Variants in C14orf132 observed in about 807,000 individuals in gnomAD.
C14orf132 encodes uncharacterized protein C14orf132.
Under a neutral mutation model 5.8 loss-of-function variants are expected in C14orf132, and 6 were observed. That is an observed-to-expected ratio of 1.03 (90% CI 0.57 to 2.04). The LOEUF (loss-of-function observed/expected upper bound fraction) is 2.04, where lower values mean the gene tolerates loss of function less well. Ranked by LOEUF, C14orf132 falls within the 30% of genes most tolerant of loss-of-function variation. The pLI is 0.00. For synonymous variants in C14orf132, 51 were observed against 49.8 expected (o/e 1.02, Z -0.10); for missense variants, 125 against 115.8 (o/e 1.08, Z -0.37).
At chr14:96,082,389 A>G (rs1290444837) in intron 1 of C14orf132, among the ~76,000 whole-genome samples, 2 of 152,208 alleles carry the variant, frequency 1.3e-5, no homozygotes, top group African/African-American at 2.4e-5. Flanking sequence ...AAATTTTTGT[A>G]ACTTCCAAAT....
intron 1 of C14orf132, among the ~76,000 whole-genome samples, chr14:96,070,736 C>T (rs1056906460): frequency 1.2e-4 from 19 of 152,082 alleles, no homozygotes; most frequent in African/African-American, 1.7e-4. Context: ...GTTAAAGGCA[C>T]GGATAGAAAT....
intron 1 of C14orf132, among the ~76,000 whole-genome samples, chr14:96,078,970 C>T (rs543927868): frequency 7.2e-5 from 11 of 152,360 alleles, no homozygotes; most frequent in Admixed American, 3.3e-4. Flanking sequence ...AGGGGATCAG[C>T]GTGTACCTAG....
At position 96,091,311 on chromosome 14, in the gene C14orf132, G is replaced by A; in HGVS notation, c.*4576G>A. 3.0e-6 allele frequency: 1 copy of A among 336,450 alleles called. No individual in the cohort carries two copies. The highest frequency in any genetic ancestry group is 5.8e-6 in the Non-Finnish European group (1 of 173,034). 20.8% of individuals were successfully genotyped at this position (336,450 alleles called of 1,614,324 possible). On this transcript the variant is annotated 3_prime_UTR_variant, in exon 2 of 2. Transcript: ENST00000555004. ...TGTAAGTCCAGGAAAGGGGCAGGCG[G>A]CAGTGCACAGGGATTTATCAGTTCC...
At chr14:96,083,829 G>A (rs1856593701) in intron 1 of C14orf132, among the ~76,000 whole-genome samples, 1 of 152,210 alleles carries the variant, frequency 6.6e-6, no homozygotes, top group Non-Finnish European at 1.5e-5. Context: ...GACCTGCAAA[G>A]CTATTAAATA....
In C14orf132 at chr14:96,065,009, C is replaced by T. The variant is rs114799350; in HGVS notation, c.28-21502C>T. Reference sequence around the variant, plus strand: ...TAGCTTCTCTGGCCCTGTTTTCTTCCTAACCCAGTGTGCTGTCTTCCTCCC... The same window carrying T: ...TAGCTTCTCTGGCCCTGTTTTCTTCTTAACCCAGTGTGCTGTCTTCCTCCC... On this transcript the variant is annotated intron_variant, in intron 1 of 1. Coordinates refer to ENST00000555004, the MANE Select transcript of C14orf132 (RefSeq NM_001252507.3). Among the ~76,000 whole-genome samples the T allele has an allele frequency of 7.3e-3, 1,114 of 152,238 alleles. 18 individuals are homozygous for T. Among genetic ancestry groups the T allele is most frequent in the African/African-American group, 0.026 (1,073 of 41,510 alleles).
chr14:96,068,540 C>T (rs1887603442), intron 1 of C14orf132, among the ~76,000 whole-genome samples: 1 of 152,146 alleles, frequency 6.6e-6, no homozygotes, highest in Non-Finnish European at 1.5e-5. Context: ...TTTCTCACTT[C>T]CAGATGAGAC....
intron 1 of C14orf132, among the ~76,000 whole-genome samples, chr14:96,056,660 G>T (rs549348823): frequency 4.6e-5 from 7 of 152,250 alleles, no homozygotes; most frequent in African/African-American, 1.4e-4. Context: ...CCAGGAAATG[G>T]TGCCTATGAT....
intron 1 of C14orf132, among the ~76,000 whole-genome samples, chr14:96,083,733 G>A (rs938139454): frequency 2.6e-5 from 4 of 152,236 alleles, no homozygotes; most frequent in Non-Finnish European, 4.4e-5. Context: ...TTTTAGTCTA[G>A]TGAGACCTCT....
intron 1 of C14orf132, among the ~76,000 whole-genome samples, chr14:96,053,609 C>T (rs1038670177): frequency 1.3e-5 from 2 of 152,216 alleles, no homozygotes; most frequent in Non-Finnish European, 2.9e-5. Context: ...CTAGAAATCC[C>T]AGGCTGAGCC....
chr14:96,044,224 A>G (rs1265624895), intron 1 of C14orf132, among the ~76,000 whole-genome samples: 1 of 152,108 alleles, frequency 6.6e-6, no homozygotes, highest in Non-Finnish European at 1.5e-5. Flanking sequence ...CCCAGGATGG[A>G]GTGCAGTGGT....
intron 1 of C14orf132, among the ~76,000 whole-genome samples, chr14:96,062,064 TGAG>T (rs1470228510): frequency 6.6e-6 from 1 of 152,192 alleles, no homozygotes; most frequent in African/African-American, 2.4e-5. Context: ...TCAAACTTTC[TGAG>T]GATAAACCCT....
At chr14:96,080,221 A>T (rs551437439) in intron 1 of C14orf132, among the ~76,000 whole-genome samples, 1 of 152,296 alleles carries the variant, frequency 6.6e-6, no homozygotes, top group South Asian at 2.1e-4. Flanking sequence ...CTAGTGTGTA[A>T]GGATCCAAGA....
intron 1 of C14orf132, among the ~76,000 whole-genome samples, chr14:96,049,533 TATACATACGTATATATATAC>T (rs1886943085): frequency 7.1e-6 from 1 of 141,816 alleles, no homozygotes; most frequent in East Asian, 2.0e-4. Flanking sequence ...TATACACATA[TATACATACGTATATATATAC>T]ATATATACGT....
At chr14:96,052,904 C>T (rs1887071089) in intron 1 of C14orf132, among the ~76,000 whole-genome samples, 1 of 152,188 alleles carries the variant, frequency 6.6e-6, no homozygotes, top group African/African-American at 2.4e-5. Context: ...AAGACGCCGG[C>T]TCAAGGTCTT....
At chr14:96,048,852 A>G (rs1057386662) in intron 1 of C14orf132, among the ~76,000 whole-genome samples, 3 of 152,068 alleles carry the variant, frequency 2.0e-5, no homozygotes, top group African/African-American at 4.8e-5. Flanking sequence ...GTGCTGAATA[A>G]TATTCCATTG....
rs774671988 is a variant in C14orf132 at position 96,086,879 on chromosome 14, C to T, written c.*144C>T. On this transcript the variant is annotated 3_prime_UTR_variant, in exon 2 of 2. Coordinates refer to ENST00000555004, the MANE Select transcript of C14orf132 (RefSeq NM_001252507.3). ...CCTTCTGGAATTTCTCCCCAGCAGCCCTGATTTCAAATATCCCATGTTGTG... is the reference window on the plus strand; with the variant it reads ...CCTTCTGGAATTTCTCCCCAGCAGCTCTGATTTCAAATATCCCATGTTGTG... 7.2e-5 allele frequency: 58 copies of T among 800,404 alleles called. No homozygotes were observed. Among genetic ancestry groups the T allele is most frequent in the Non-Finnish European group, 1.1e-4 (56 of 514,518 alleles). The allele number at this position is 800,404 out of a possible 1,614,324, so 49.6% of individuals were successfully genotyped here. A position where few individuals can be genotyped will look rare whatever the true frequency, so the allele number is the denominator to read the frequency against.
At chr14:96,078,781 T>A (rs558362214) in intron 1 of C14orf132, among the ~76,000 whole-genome samples, 1 of 152,218 alleles carries the variant, frequency 6.6e-6, no homozygotes, top group Non-Finnish European at 1.5e-5. Flanking sequence ...TTCACGGTCC[T>A]GCAGTCCTGC....
chr14:96,049,644 A>ATATGTG (rs1218025828), intron 1 of C14orf132, among the ~76,000 whole-genome samples: 1 of 75,400 alleles, frequency 1.3e-5, no homozygotes, highest in African/African-American at 5.1e-5. Flanking sequence ...ATATACGTAT[A>ATATGTG]TATATATATA....
At position 96,039,537 on chromosome 14, in the gene C14orf132, C is replaced by T; in HGVS notation, c.27+10C>T. On this transcript the variant is annotated intron_variant, in intron 1 of 1. Transcript: ENST00000555004. This position sits in a 1 kb window ranked among gnomAD's most constrained non-coding sequence, Gnocchi z 5.3. ...CTTTATGGCCGCGCAGGTAACGGGG[C>T]GTCCCCCCCACGCGCCCCGGGCCGC... The T allele has an allele frequency of 6.7e-7, 1 of 1,500,526 alleles. No homozygotes were observed. The highest frequency in any genetic ancestry group is 8.9e-7 in the Non-Finnish European group (1 of 1,127,842). 93.0% of individuals were successfully genotyped at this position (1,500,526 alleles called of 1,614,324 possible). A position where few individuals can be genotyped will look rare whatever the true frequency, so the allele number is the denominator to read the frequency against.
Sources: gnomAD v4.1 joint callset for allele counts (sites outside exome capture counted in the v4.1 genomes callset) on GRCh38, gnomAD v4.1.1 for gene constraint, Gnocchi (gnomAD v3.1) non-coding constraint, MANE v1.5 for transcripts, NCBI Gene and HGNC (gene_info 2026-07-23, HGNC 2026-07-21) for gene names.